PARL: variants seen among roughly 807,000 people sequenced by gnomAD.
The protein encoded by PARL is presenilin associated rhomboid like.
In PARL, 44 loss-of-function variants were observed where a neutral mutation model predicts 51.6. That is an observed-to-expected ratio of 0.85 (90% CI 0.67 to 1.10). PARL has a LOEUF of 1.10. PARL is among the 50% of genes least tolerant of loss of function. The pLI is 0.00. For synonymous variants in PARL, 172 were observed against 164.0 expected, an observed-to-expected ratio of 1.05 and a Z score of -0.37; for missense variants, 441 against 469.5, an observed-to-expected ratio of 0.94 and a Z score of 0.56.
At chr3:183,828,023 C>T (rs542390529), downstream of PARL, among the ~76,000 whole-genome samples, 4 of 152,332 alleles carry the variant, frequency 2.6e-5, no homozygotes, top group East Asian at 7.7e-4. Flanking sequence ...GATCGCGGGT[C>T]CCCAGAGAAG....
intron 4 of PARL, among the ~76,000 whole-genome samples, chr3:183,859,994 G>A (rs1448515464): frequency 6.6e-6 from 1 of 151,550 alleles, no homozygotes; most frequent in Non-Finnish European, 1.5e-5. Flanking sequence ...AGGCACACTG[G>A]TCTCACAAAG....
chr3:183,871,949 G>A (rs189179373), intron 1 of PARL, among the ~76,000 whole-genome samples: 1 of 151,678 alleles, frequency 6.6e-6, no homozygotes, highest in African/African-American at 2.4e-5. Context: ...GGAAATAAAT[G>A]AAACTCAGAA....
chr3:183,863,411 G>C (rs1732072914), intron 3 of PARL, among the ~76,000 whole-genome samples: 1 of 152,014 alleles, frequency 6.6e-6, no homozygotes, highest in Admixed American at 6.6e-5. Flanking sequence ...CTGTCTTGGG[G>C]AACACTGAAG....
At chr3:183,849,117 T>C (rs899388160) in intron 4 of PARL, among the ~76,000 whole-genome samples, 10 of 152,150 alleles carry the variant, frequency 6.6e-5, no homozygotes, top group African/African-American at 1.9e-4. Context: ...CTATTTATAA[T>C]AATGGAGAGA....
In PARL at chr3:183,862,881, G is replaced by A. The variant is rs77683933; in HGVS notation, c.463-80C>T. ...ATGAAAAACCAGAAGAAAATGCCTCGCACATAAGAGGAATTCCTCTTCTGC... is the reference window on the plus strand; with the variant it reads ...ATGAAAAACCAGAAGAAAATGCCTCACACATAAGAGGAATTCCTCTTCTGC... On this transcript the variant is annotated intron_variant, in intron 3 of 9. Coordinates refer to ENST00000317096, the MANE Select transcript of PARL (RefSeq NM_018622.7). 9.1e-3 allele frequency: 9,604 copies of A among 1,053,368 alleles called. 430 individuals are homozygous for A. In the African/African-American group the frequency reaches 0.11, roughly 12 times the overall value. 65.3% of individuals were successfully genotyped at this position (1,053,368 alleles called of 1,614,324 possible).
intron 1 of PARL, among the ~76,000 whole-genome samples, chr3:183,876,269 ACTC>A (rs1733788708): frequency 6.6e-6 from 1 of 151,512 alleles, no homozygotes; most frequent in South Asian, 2.1e-4. Flanking sequence ...GTGGTCTTGA[ACTC>A]CTGATCTCAG....
intron 1 of PARL, among the ~76,000 whole-genome samples, chr3:183,882,249 A>ATATATATATATATATT (rs1553906098): frequency 3.4e-4 from 15 of 43,902 alleles, no homozygotes; most frequent in East Asian, 1.5e-3. Context: ...ATATATTTAT[A>ATATATATATATATATT]TATATATATA....
chr3:183,862,220 T>C (rs1577351810), intron 4 of PARL, among the ~76,000 whole-genome samples: 2 of 152,310 alleles, frequency 1.3e-5, no homozygotes, highest in East Asian at 1.9e-4. Flanking sequence ...TACATTTAAA[T>C]GGGGTTTTAT....
chr3:183,841,870 T>C (rs183626007), intron 6 of PARL, among the ~76,000 whole-genome samples: 65 of 152,284 alleles, frequency 4.3e-4, no homozygotes, highest in Non-Finnish European at 1.3e-4. Context: ...TTCTGTGAAC[T>C]GAACACACTG....
At position 183,862,763 on chromosome 3, in the gene PARL, C is replaced by T; in HGVS notation, c.501G>A (p.Arg167=). 1 of 1,613,514 alleles carries T rather than the reference C, an allele frequency of 6.2e-7. No homozygotes were observed. The highest frequency in any genetic ancestry group is 1.3e-5 in the African/African-American group (1 of 75,038). Residue 167 remains arginine, a synonymous_variant, in exon 4 of 10, where the codon CGG becomes CGA. Transcript: ENST00000317096. The part of the protein sequence containing the change: ...KWWNNLSDGQ[R]TVTGIIAANV... ...TAAGCTAACACAAACCTGTCACAGTCCGCTGGCCATCACTTAGGTTATTCC... is the reference window on the plus strand; with the variant it reads ...TAAGCTAACACAAACCTGTCACAGTTCGCTGGCCATCACTTAGGTTATTCC...
intron 2 of PARL, among the ~76,000 whole-genome samples, chr3:183,866,973 G>C (rs1316123202): frequency 1.3e-5 from 2 of 151,880 alleles, no homozygotes; most frequent in Non-Finnish European, 2.9e-5. Flanking sequence ...GACTGTAATG[G>C]TGCGATATGG....
chr3:183,881,336 G>A (rs1271921920), intron 1 of PARL, among the ~76,000 whole-genome samples: 2 of 151,796 alleles, frequency 1.3e-5, no homozygotes, highest in African/African-American at 2.4e-5. Context: ...TGGCCAGGCT[G>A]GTCTAGAACT....
At chr3:183,826,769 C>T (rs1296741401), downstream of PARL, 1 of 985,292 alleles carries the variant, frequency 1.0e-6, no homozygotes, top group Non-Finnish European at 1.2e-6. Flanking sequence ...TCAGAGTGAA[C>T]TCTTTGTGGA....
intron 2 of PARL, 95 bp from the exon 3 acceptor site, chr3:183,866,860 A>G (rs927071973): frequency 5.4e-6 from 5 of 918,496 alleles, no homozygotes; most frequent in Admixed American, 2.0e-5. Context: ...ATTGCTTTTT[A>G]CAAACCAACA....
rs549819068 is a variant in PARL, at chr3:183,832,441, G to A, written c.1028+1051C>T. Among the ~76,000 whole-genome samples, 4 of 152,028 alleles carry A rather than the reference G, an allele frequency of 2.6e-5. 1 individual carries two copies. The highest frequency in any genetic ancestry group is 7.2e-5 in the African/African-American group (3 of 41,448). ...TCACTGTGTTAGCCAGGATGGTCTC[G>A]ATCTCCTGACCTTGTGATCCGCCTG... On this transcript the variant is annotated intron_variant, in intron 9 of 9. Transcript: ENST00000317096.
At chr3:183,866,513 T>C in intron 3 of PARL, 112 bp downstream of exon 3, 2 of 845,916 alleles carry the variant, frequency 2.4e-6, no homozygotes, top group East Asian at 2.4e-5. Flanking sequence ...CAGATTTCAT[T>C]ATTACACATT....
At chr3:183,848,431 C>T (rs767362512) in intron 4 of PARL, among the ~76,000 whole-genome samples, 1 of 152,118 alleles carries the variant, frequency 6.6e-6, no homozygotes, top group Non-Finnish European at 1.5e-5. Context: ...TTAGTAGAGA[C>T]CGGGTTTCAC....
intron 1 of PARL, among the ~76,000 whole-genome samples, chr3:183,871,393 G>A (rs1733192648): frequency 6.6e-6 from 1 of 152,012 alleles, no homozygotes; most frequent in African/African-American, 2.4e-5. Context: ...ATTCCAGCTG[G>A]GGTGCTGTTT....
intron 9 of PARL, among the ~76,000 whole-genome samples, chr3:183,831,969 A>C (rs2108578934): frequency 6.6e-6 from 1 of 152,308 alleles, no homozygotes; most frequent in East Asian, 1.9e-4. Flanking sequence ...CAGATGAATA[A>C]AAATCTACTG....
Sources: allele counts gnomAD v4.1 joint callset (sites outside exome capture counted in the v4.1 genomes callset), GRCh38; gene constraint gnomAD v4.1.1; transcripts MANE v1.5; gene names NCBI Gene and HGNC (gene_info 2026-07-23, HGNC 2026-07-21).